Variants in RANBP2 observed in about 807,000 individuals in gnomAD.
RANBP2 encodes the protein E3 SUMO-protein ligase RanBP2.
Under a neutral mutation model 303.6 loss-of-function variants are expected in RANBP2, and 57 were observed. The observed-to-expected ratio is 0.19, with a 90% CI of 0.15 to 0.23. The LOEUF is 0.23. RANBP2 is among the 10% of genes least tolerant of loss of function. The pLI, the probability that RANBP2 is intolerant of heterozygous loss-of-function variation, is 1.00. For synonymous variants in RANBP2, 1,167 were observed against 1,301.5 expected, an observed-to-expected ratio of 0.90 and a Z score of 2.23; for missense variants, 3,138 against 3,780.8, an observed-to-expected ratio of 0.83 and a Z score of 4.46.
chr2:109,379,610 C>G, the RANBP2 span, among the ~76,000 whole-genome samples: 1 of 152,208 alleles, frequency 6.6e-6, no homozygotes, highest in Admixed American at 6.5e-5. Context: ...TTTGAAGTTT[C>G]ATTTTATTTT....
chr2:109,213,059 TG>T, the RANBP2 span, among the ~76,000 whole-genome samples: 1 of 152,194 alleles, frequency 6.6e-6, no homozygotes, highest in African/African-American at 2.4e-5. Flanking sequence ...GATGCAGTCC[TG>T]GGAAGGCTCG....
At chr2:108,743,473 C>T (rs1012987875) in intron 7 of RANBP2, among the ~76,000 whole-genome samples, 4 of 152,244 alleles carry the variant, frequency 2.6e-5, no homozygotes, top group African/African-American at 9.6e-5. Flanking sequence ...CAAGGTCTTG[C>T]TATGTTTCCC....
At chr2:109,731,342 T>A in the RANBP2 span, among the ~76,000 whole-genome samples, 6 of 152,178 alleles carry the variant, frequency 3.9e-5, no homozygotes, top group Non-Finnish European at 7.3e-5. Flanking sequence ...ATTTGAAACA[T>A]CTTCCAATGG....
the RANBP2 span, among the ~76,000 whole-genome samples, chr2:109,519,679 G>A: frequency 6.6e-6 from 1 of 152,146 alleles, no homozygotes; most frequent in Admixed American, 6.5e-5. Flanking sequence ...TATGTCACTC[G>A]GCTAGTTAGC....
chr2:109,699,247 G>A, the RANBP2 span, among the ~76,000 whole-genome samples: 2 of 152,118 alleles, frequency 1.3e-5, no homozygotes, highest in South Asian at 2.1e-4. Context: ...AGCTCCAAAC[G>A]CCCTTTCTTT....
At chr2:109,205,720 T>G in the RANBP2 span, among the ~76,000 whole-genome samples, 2 of 152,218 alleles carry the variant, frequency 1.3e-5, no homozygotes. Flanking sequence ...TTCGGGGCAG[T>G]GCACTTTGCT....
At chr2:109,249,925 C>A in the RANBP2 span, among the ~76,000 whole-genome samples, 1 of 151,342 alleles carries the variant, frequency 6.6e-6, no homozygotes. Flanking sequence ...ACCTCATGAT[C>A]CACCTGCCTT....
chr2:109,653,639 T>C, the RANBP2 span, among the ~76,000 whole-genome samples: 1 of 152,182 alleles, frequency 6.6e-6, no homozygotes, highest in Non-Finnish European at 1.5e-5. Context: ...AGGGTGTCTC[T>C]GAGTCCTTCT....
chr2:108,734,630 A>T (rs1204859581), intron 4 of RANBP2, among the ~76,000 whole-genome samples: 2 of 152,038 alleles, frequency 1.3e-5, no homozygotes, highest in Non-Finnish European at 2.9e-5. Context: ...AAACTTGATG[A>T]TGTTATTGTC....
At chr2:108,993,298 G>A in the RANBP2 span, among the ~76,000 whole-genome samples, 2 of 152,210 alleles carry the variant, frequency 1.3e-5, no homozygotes, top group Non-Finnish European at 2.9e-5. Context: ...GTGTGCTGAG[G>A]AAACTGACAG....
chr2:108,729,994 C>T (rs940200638), intron 2 of RANBP2, among the ~76,000 whole-genome samples: 1 of 151,752 alleles, frequency 6.6e-6, no homozygotes, highest in Non-Finnish European at 1.5e-5. Context: ...GTTGGGACTA[C>T]AGGTGTGTGT....
chr2:109,685,164 C>T, the RANBP2 span, among the ~76,000 whole-genome samples: 23 of 152,258 alleles, frequency 1.5e-4, no homozygotes, highest in African/African-American at 4.1e-4. Flanking sequence ...TGAGCCACCG[C>T]GCCCAGCCCT....
At chr2:109,118,587 AC>A in the RANBP2 span, among the ~76,000 whole-genome samples, 1 of 149,972 alleles carries the variant, frequency 6.7e-6, no homozygotes, top group African/African-American at 2.4e-5. Flanking sequence ...GTGTCAGTGT[AC>A]GTTTTATTCA....
the RANBP2 span, among the ~76,000 whole-genome samples, chr2:109,410,433 A>G: frequency 6.6e-6 from 1 of 152,190 alleles, no homozygotes; most frequent in African/African-American, 2.4e-5. Context: ...AGCTCCGTGC[A>G]CCCAGGGGGC....
chr2:109,215,660 A>T, the RANBP2 span, among the ~76,000 whole-genome samples: 1 of 151,960 alleles, frequency 6.6e-6, no homozygotes, highest in Non-Finnish European at 1.5e-5. Context: ...CTCACCTACG[A>T]TTTTACTGAG....
chr2:108,853,810 G>T, the RANBP2 span, among the ~76,000 whole-genome samples: 1 of 139,100 alleles, frequency 7.2e-6, no homozygotes, highest in African/African-American at 2.7e-5. Flanking sequence ...ACAGGCACCA[G>T]CCATCCCCAG....
chr2:109,357,759 G>C, the RANBP2 span, among the ~76,000 whole-genome samples: 2 of 152,178 alleles, frequency 1.3e-5, no homozygotes, highest in Non-Finnish European at 2.9e-5. Flanking sequence ...TTAAAAAATA[G>C]GTGTTATATT....
the RANBP2 span, among the ~76,000 whole-genome samples, chr2:109,307,760 T>C: frequency 6.7e-6 from 1 of 149,180 alleles, no homozygotes; most frequent in Non-Finnish European, 1.5e-5. Context: ...AACTCATCAT[T>C]TTTTATGGCT....
the RANBP2 span, among the ~76,000 whole-genome samples, chr2:109,089,840 A>G: frequency 6.6e-6 from 1 of 152,128 alleles, no homozygotes; most frequent in South Asian, 2.1e-4. Flanking sequence ...GTCAATTTCT[A>G]TGTTTATCCA....
Sources: gnomAD v4.1 joint callset for allele counts (sites outside exome capture counted in the v4.1 genomes callset) on GRCh38, gnomAD v4.1.1 for gene constraint, MANE v1.5 for transcripts, NCBI Gene and HGNC (gene_info 2026-07-23, HGNC 2026-07-21) for gene names.